Variants in DLEU7 observed in about 807,000 individuals in gnomAD.
DLEU7 encodes the protein leukemia-associated protein 7.
In DLEU7, 17 loss-of-function variants were observed where a neutral mutation model predicts 16.0. The observed-to-expected ratio is 1.06, with a 90% CI of 0.73 to 1.59. DLEU7 has a LOEUF of 1.59. DLEU7 is among the 40% of genes most tolerant of loss of function. The pLI is 0.00. For synonymous variants in DLEU7, 113 were observed against 139.8 expected (o/e 0.81, Z 1.35); for missense variants, 308 against 314.9 (o/e 0.98, Z 0.17).
intron 1 of DLEU7, among the ~76,000 whole-genome samples, chr13:50,750,377 C>A (rs1323403970): frequency 1.3e-5 from 2 of 152,128 alleles, no homozygotes; most frequent in Non-Finnish European, 2.9e-5. Context: ...GTGATGCCTC[C>A]AGATATGTTC....
At chr13:50,839,408 T>C (rs1877575750) in intron 1 of DLEU7, among the ~76,000 whole-genome samples, 2 of 152,376 alleles carry the variant, frequency 1.3e-5, no homozygotes, top group Admixed American at 6.5e-5. Flanking sequence ...TGTATGATCA[T>C]TTCTAAGTGT....
rs888540307 is a variant in DLEU7, at chr13:50,843,464, C to T, written c.183G>A (p.Pro61=). ...CGCCCCGCTCCTCGCGCCCGGGCCCCGGCCGGGCCCGCGGCGGGCCTGAGC... is the reference window on the plus strand; with the variant it reads ...CGCCCCGCTCCTCGCGCCCGGGCCCTGGCCGGGCCCGCGGCGGGCCTGAGC... The part of the protein sequence containing the change: ...ARRSGPPRAR[P]GPGREERGGG... The change falls in exon 1 of 2, where the codon CCG becomes CCA. Residue 61 remains proline, a synonymous_variant. Coordinates refer to ENST00000504404, the MANE Select transcript of DLEU7 (RefSeq NM_001306135.2). This position sits in a 1 kb window ranked among gnomAD's most constrained non-coding sequence, Gnocchi z 5.7. 8 of 1,326,154 alleles carry T rather than the reference C, an allele frequency of 6.0e-6. No homozygotes were observed. In the African/African-American group the frequency reaches 7.7e-5, roughly 13 times the overall value. 82.1% of individuals were successfully genotyped at this position (1,326,154 alleles called of 1,614,324 possible).
chr13:50,829,458 A>G (rs1355044403), intron 1 of DLEU7, among the ~76,000 whole-genome samples: 3 of 152,248 alleles, frequency 2.0e-5, no homozygotes, highest in Non-Finnish European at 2.9e-5. Flanking sequence ...AAAGGAATTC[A>G]TCACCCAAAG....
chr13:50,743,722 T>C lies in DLEU7; in HGVS notation c.460-30482A>G, dbSNP rs376664635. On this transcript the variant is annotated intron_variant, in intron 1 of 1. Transcript: ENST00000400393. Reference sequence around the variant, plus strand: ...AGTGAAGAACAAAGCAATAAGCTCATGCATTATACTTCCTTTCTAGAATTT... The same window carrying C: ...AGTGAAGAACAAAGCAATAAGCTCACGCATTATACTTCCTTTCTAGAATTT... Among the ~76,000 whole-genome samples the C allele has an allele frequency of 9.1e-4, 138 of 152,334 alleles. 1 individual carries two copies. The highest frequency in any genetic ancestry group is 3.1e-3 in the African/African-American group (130 of 41,580).
intron 1 of DLEU7, among the ~76,000 whole-genome samples, chr13:50,792,899 G>T (rs1254377331): frequency 6.6e-6 from 1 of 150,874 alleles, no homozygotes; most frequent in African/African-American, 2.4e-5. Flanking sequence ...TTAGAATTAG[G>T]GTGTACATGC....
At chr13:50,768,633 C>T (rs1166646662) in intron 1 of DLEU7, among the ~76,000 whole-genome samples, 1 of 152,180 alleles carries the variant, frequency 6.6e-6, no homozygotes, top group African/African-American at 2.4e-5. Context: ...TTTATGGCTG[C>T]ATAGTAGTCC....
At position 50,823,340 on chromosome 13, in the gene DLEU7, T is replaced by A; in HGVS notation, c.640A>T (p.Ile214Phe). 6.5e-7 allele frequency: 1 copy of A among 1,535,770 alleles called. No individual in the cohort carries two copies. The highest frequency in any genetic ancestry group is 8.7e-7 in the Non-Finnish European group (1 of 1,146,614). ...CATATGTCTGGGAGATTCTGTAAGA[T>A]CTGTCTCAAGGAAGCACAGGCTACC... ...HMVACASLRQ[I>F]LQNLPDI The change falls in exon 2 of 2, where the codon ATC becomes TTC. Residue 214 changes from isoleucine to phenylalanine, a missense_variant. Ile to Phe is a conservative substitution (Grantham distance 21). Coordinates refer to ENST00000504404, the MANE Select transcript of DLEU7 (RefSeq NM_001306135.2).
chr13:50,788,070 T>C (rs1329828154), intron 1 of DLEU7, among the ~76,000 whole-genome samples: 2 of 152,182 alleles, frequency 1.3e-5, no homozygotes, highest in Admixed American at 6.5e-5. Context: ...AGTTAGATAA[T>C]CTGATAGCAT....
intron 1 of DLEU7, among the ~76,000 whole-genome samples, chr13:50,842,055 C>T (rs918449813): frequency 6.6e-6 from 1 of 151,816 alleles, no homozygotes; most frequent in African/African-American, 2.4e-5. Context: ...TGCTAAACAT[C>T]CTCTAATACA....
chr13:50,784,726 A>T (rs566149917), intron 1 of DLEU7, among the ~76,000 whole-genome samples: 9 of 152,260 alleles, frequency 5.9e-5, no homozygotes, highest in African/African-American at 2.2e-4. Flanking sequence ...TGCTCGGACC[A>T]TCTGGGTTCT....
intron 1 of DLEU7, among the ~76,000 whole-genome samples, chr13:50,769,327 A>G (rs1279491192): frequency 1.3e-5 from 2 of 152,092 alleles, no homozygotes; most frequent in Non-Finnish European, 2.9e-5. Flanking sequence ...TTTTGTTGCC[A>G]TTGCTTTTGG....
chr13:50,806,242 G>A (rs534543332), intron 1 of DLEU7, among the ~76,000 whole-genome samples: 70 of 152,048 alleles, frequency 4.6e-4, no homozygotes, highest in Middle Eastern at 3.2e-3. Flanking sequence ...TCTGAGATAT[G>A]AATAAGAAAA....
chr13:50,839,537 C>G (rs1443667879), intron 1 of DLEU7, among the ~76,000 whole-genome samples: 2 of 152,104 alleles, frequency 1.3e-5, no homozygotes, highest in African/African-American at 4.8e-5. Context: ...ACTGCCTTAA[C>G]CTTCTGGTGG....
intron 1 of DLEU7, among the ~76,000 whole-genome samples, chr13:50,806,175 A>G (rs1876383552): frequency 6.6e-6 from 1 of 152,154 alleles, no homozygotes; most frequent in Non-Finnish European, 1.5e-5. Flanking sequence ...TAGTTTTACA[A>G]AGGATAAGCT....
At chr13:50,745,258 G>A (rs1237069822) in intron 1 of DLEU7, among the ~76,000 whole-genome samples, 1 of 152,176 alleles carries the variant, frequency 6.6e-6, no homozygotes, top group Non-Finnish European at 1.5e-5. Flanking sequence ...TTCTGACACT[G>A]CACCATGGAT....
chr13:50,718,608 G>C (rs1302788351), intron 1 of DLEU7, among the ~76,000 whole-genome samples: 1 of 152,140 alleles, frequency 6.6e-6, no homozygotes, highest in Non-Finnish European at 1.5e-5. Context: ...ACCAAAAGTA[G>C]CTTTTATTGC....
chr13:50,818,063 TAGG>T (rs1273625601), downstream of DLEU7, among the ~76,000 whole-genome samples: 1 of 152,006 alleles, frequency 6.6e-6, no homozygotes, highest in Non-Finnish European at 1.5e-5. Flanking sequence ...TTAAAGGAAA[TAGG>T]AGGGTGAAAC....
chr13:50,762,957 GGAGA>G, intron 1 of DLEU7, among the ~76,000 whole-genome samples: 1 of 152,190 alleles, frequency 6.6e-6, no homozygotes, highest in Admixed American at 6.5e-5. Context: ...TCCAACTGGT[GGAGA>G]GAAAGTGCCC....
intron 1 of DLEU7, among the ~76,000 whole-genome samples, chr13:50,808,139 A>G (rs955292583): frequency 2.0e-5 from 3 of 152,210 alleles, no homozygotes; most frequent in African/African-American, 4.8e-5. Flanking sequence ...TTATATGTGC[A>G]TCAAGGCAAA....
Sources: gnomAD v4.1 joint callset for allele counts (sites outside exome capture counted in the v4.1 genomes callset) on GRCh38, gnomAD v4.1.1 for gene constraint, Gnocchi (gnomAD v3.1) non-coding constraint, MANE v1.5 for transcripts, NCBI Gene and HGNC (gene_info 2026-07-23, HGNC 2026-07-21) for gene names.